The following VPS13D variants were observed in gnomAD, a reference collection of about 807,000 sequenced individuals.
VPS13D encodes the protein intermembrane lipid transfer protein VPS13D.
A neutral mutation model predicts 461.9 loss-of-function variants in VPS13D; 187 were observed. That is an observed-to-expected ratio of 0.40 (90% CI 0.36 to 0.46). The LOEUF is 0.46. Ranked by LOEUF, VPS13D falls within the 20% of genes least tolerant of loss-of-function variation. The pLI is 0.60. For missense variants in VPS13D, 4,711 were observed against 5,364.9 expected, an observed-to-expected ratio of 0.88 and a Z score of 3.81; for synonymous variants, 1,951 against 1,986.3, an observed-to-expected ratio of 0.98 and a Z score of 0.47.
Position 12,314,268 on chromosome 1 carries a change from T to G in VPS13D, c.7089T>G (p.Phe2363Leu). 1 of 1,614,214 alleles carries G rather than the reference T, an allele frequency of 6.2e-7. No homozygotes were observed. Among genetic ancestry groups the G allele is most frequent in the South Asian group, 1.1e-5 (1 of 91,088 alleles). Reference protein sequence around the residue: ...PGMTNVFSCIFQPAKNSSTTQ... With the variant: ...PGMTNVFSCILQPAKNSSTTQ... The stretch of plus-strand genomic sequence containing the variant: ...TGACGAATGTGTTCAGCTGTATCTT[T>G]CAGCCCGCTAAGAACAGCAGCACCA... Residue 2363 changes from phenylalanine (F) to leucine (L), a missense_variant, in exon 30 of 70, where the codon TTT (phenylalanine) becomes TTG (leucine). Physicochemically the swap from Phe to Leu is conservative, Grantham distance 22. Coordinates refer to ENST00000620676, the MANE Select transcript of VPS13D (RefSeq NM_015378.4).
Position 12,495,279 on chromosome 1 carries a change from A to G in VPS13D, c.12663-2221A>G, listed in dbSNP as rs2100535236. Among the ~76,000 whole-genome samples the G allele has an allele frequency of 6.6e-6, 1 of 151,044 alleles. No homozygotes were observed. Among genetic ancestry groups the G allele is most frequent in the South Asian group, 2.1e-4 (1 of 4,796 alleles). ...ATTCTCCTGCCTCAGCCTCCTGAAT[A>G]GCTGGGACTACAGGCGCCCGCCACT... On this transcript the variant is annotated intron_variant, in intron 67 of 69. Coordinates refer to ENST00000620676, the MANE Select transcript of VPS13D (RefSeq NM_015378.4). This position sits in a 1 kb window ranked among gnomAD's most constrained non-coding sequence, Gnocchi z 4.0.
In VPS13D at chr1:12,323,871, G is replaced by T. The variant is rs924516111; in HGVS notation, c.7990+91G>T. Reference sequence around the variant, plus strand: ...TCTTACTTCCACAAGGTGACTTAGAGAGCTGAGTGTGTTTGGAGGACGCTT... The same window carrying T: ...TCTTACTTCCACAAGGTGACTTAGATAGCTGAGTGTGTTTGGAGGACGCTT... On this transcript the variant is annotated intron_variant, in intron 35 of 69. Transcript: ENST00000620676. 16 of 1,353,296 alleles carry T rather than the reference G, an allele frequency of 1.2e-5. No homozygotes were observed. In the East Asian group the frequency reaches 3.7e-4, roughly 31 times the overall value. The allele number at this position is 1,353,296 out of a possible 1,614,324, so 83.8% of individuals were successfully genotyped here.
chr1:12,276,106 G>A lies in VPS13D; in HGVS notation c.2518G>A (p.Asp840Asn), dbSNP rs1364525835. 1.2e-6 allele frequency: 2 copies of A among 1,614,006 alleles called. No individual in the cohort carries two copies. The highest frequency in any genetic ancestry group is 1.7e-6 in the Non-Finnish European group (2 of 1,180,028). The change falls in exon 19 of 70, where the codon GAT (aspartate) becomes AAT (asparagine). Residue 840 changes from aspartate to asparagine, a missense_variant. Transcript: ENST00000620676. This position sits in a 1 kb window ranked among gnomAD's most constrained non-coding sequence, Gnocchi z 4.5. ...RVKDNWKHVQ[D>N]IDVGPTHVVE... ...GAAAGACAATTGGAAGCATGTCCAG[G>A]ATATTGACGTGGGACCAACACATGT...
At position 12,473,166 on chromosome 1, in the gene VPS13D, T is replaced by C. The variant is rs1417558380; in HGVS notation, c.12662+12770T>C. On this transcript the variant is annotated intron_variant, in intron 67 of 69. Coordinates refer to ENST00000620676, the MANE Select transcript of VPS13D (RefSeq NM_015378.4). This position sits in a 1 kb window ranked among gnomAD's most constrained non-coding sequence, Gnocchi z 4.2. ...ACTGTACTTAGATCCTGGGTGCTGA[T>C]GGGTGTTTTGTAGTTTCCAAGGGAA... Among the ~76,000 whole-genome samples, 1 of 152,162 alleles carries C rather than the reference T, an allele frequency of 6.6e-6. No homozygotes were observed. The highest frequency in any genetic ancestry group is 6.5e-5 in the Admixed American group (1 of 15,278).
rs373171933 is a variant in VPS13D, at chr1:12,319,130, C to T, written c.7415-367C>T. 2.7e-4 allele frequency among the ~76,000 whole-genome samples: 41 copies of T among 152,302 alleles called. 3 individuals carry two copies. Among genetic ancestry groups the T allele is most frequent in the Admixed American group, 2.1e-3 (32 of 15,298 alleles). On this transcript the variant is annotated intron_variant, in intron 31 of 69. Transcript: ENST00000620676. ...ACCAGCATTAGTAGCTGAGTCTTCT[C>T]CCTGGAATTTTCAGTCAGGTCATCA... is the stretch of plus-strand genomic sequence containing the variant.
Position 12,345,442 on chromosome 1 carries a change from T to C in VPS13D, c.8954T>C (p.Val2985Ala). The C allele has an allele frequency of 6.2e-7, 1 of 1,614,062 alleles. No homozygotes were observed. Among genetic ancestry groups the C allele is most frequent in the Non-Finnish European group, 8.5e-7 (1 of 1,179,902 alleles). ...AATGGCTGGGAGCAAGTGAGCCCAG[T>C]GTCTGTGGACAAAGTCGGGACCTTT... ...RVNGWEQVSP[V>A]SVDKVGTFFR... Residue 2985 changes from valine to alanine, a missense_variant, in exon 43 of 70, where the codon GTG (valine) becomes GCG (alanine). Transcript: ENST00000620676.
rs1261952358 is a variant in VPS13D, at chr1:12,293,599, T to C, written c.5928T>C (p.Tyr1976=). 1.9e-6 allele frequency: 3 copies of C among 1,614,194 alleles called. No homozygotes were observed. The highest frequency in any genetic ancestry group is 2.5e-6 in the Non-Finnish European group (3 of 1,180,022). ...GCCTCCGGATGGCCTCTGTGCAGTA[T>C]GTGCATACTCAGCGTTTCCAGGCAG... ...RVSLRMASVQ[Y]VHTQRFQAEV... Residue 1976 remains tyrosine, a synonymous_variant, in exon 24 of 70, where the codon TAT becomes TAC. Coordinates refer to ENST00000620676, the MANE Select transcript of VPS13D (RefSeq NM_015378.4).
In VPS13D at chr1:12,323,716, G is replaced by C. The variant is rs1293798395; in HGVS notation, c.7926G>C (p.Leu2642=). Residue 2642 remains leucine, a synonymous_variant, in exon 35 of 70, where the codon CTG becomes CTC. Coordinates refer to ENST00000620676, the MANE Select transcript of VPS13D (RefSeq NM_015378.4). ...HTLDPVLELQ[L]ARLQELGFSM... ...CTATTTGTTTCCTAGAGTTACAGCT[G>C]GCTAGGCTGCAGGAGCTGGGATTCA... 6.2e-7 allele frequency: 1 copy of C among 1,613,684 alleles called. No individual in the cohort carries two copies. The highest frequency in any genetic ancestry group is 8.5e-7 in the Non-Finnish European group (1 of 1,179,848).
chr1:12,268,982 A>G, intron 16 of VPS13D, 106 bp downstream of exon 16: 1 of 1,324,382 alleles, frequency 7.6e-7, no homozygotes. Flanking sequence ...ATAGTGACAA[A>G]AAAGGCCTGC....
chr1:12,368,345 G>A, intron 52 of VPS13D, 123 bp from the exon 53 acceptor site: 1 of 1,165,846 alleles, frequency 8.6e-7, no homozygotes, highest in Non-Finnish European at 1.2e-6. Context: ...ACAGTGGGCT[G>A]TAAGTTCAGT....
At chr1:12,377,090 G>T (rs1053359347) in intron 55 of VPS13D, among the ~76,000 whole-genome samples, 10 of 147,464 alleles carry the variant, frequency 6.8e-5, no homozygotes, top group African/African-American at 7.5e-5. Context: ...ACGGAGTTTC[G>T]CTCTTGTTCC....
intron 68 of VPS13D, among the ~76,000 whole-genome samples, chr1:12,506,493 T>TC (rs1365421255): frequency 6.6e-6 from 1 of 152,102 alleles, no homozygotes; most frequent in Non-Finnish European, 1.5e-5. Context: ...ATTCTGCTTT[T>TC]CCCCCCTCAG....
At chr1:12,421,565 G>T (rs1232916041) in intron 65 of VPS13D, among the ~76,000 whole-genome samples, 1 of 152,014 alleles carries the variant, frequency 6.6e-6, no homozygotes, top group Non-Finnish European at 1.5e-5. Context: ...CTTCATTCTT[G>T]TGTGATATTT....
chr1:12,317,091 C>G lies in VPS13D; in HGVS notation c.7149-981C>G, dbSNP rs1642908685. On this transcript the variant is annotated intron_variant, in intron 30 of 69. Transcript: ENST00000620676. ...ACTTGTTCTCCTCGGGCCAAAAGAT[C>G]TGGGCTGTCAGGTCAGTTTCAATTA... Among the ~76,000 whole-genome samples the G allele has an allele frequency of 4.9e-5, 7 of 142,708 alleles. No individual in the cohort carries two copies. The South Asian group carries it at 1.7e-3, about 34-fold the overall frequency. 93.6% of individuals were successfully genotyped at this position (142,708 alleles called of 152,430 possible).
chr1:12,283,130 A>G lies in VPS13D; in HGVS notation c.5028A>G (p.Leu1676=), dbSNP rs982783615. Residue 1676 remains leucine (L), a synonymous_variant, in exon 21 of 70, where the codon TTA becomes TTG. Transcript: ENST00000620676. ...IALHSLLMED[L]LEKNPDSKYK... ...TGCATTCTCTGCTGATGGAGGACTT[A>G]TTGGAGAAGAATCCAGATTCTAAAT... 1 of 1,614,038 alleles carries G rather than the reference A, an allele frequency of 6.2e-7. No individual in the cohort carries two copies. Among genetic ancestry groups the G allele is most frequent in the Non-Finnish European group, 8.5e-7 (1 of 1,180,022 alleles).
chr1:12,501,595 C>A (rs747838191), intron 68 of VPS13D, among the ~76,000 whole-genome samples: 12 of 152,228 alleles, frequency 7.9e-5, no homozygotes, highest in Non-Finnish European at 1.3e-4. Context: ...TTGCCTTACC[C>A]TAATGCCAGT....
chr1:12,327,294 G>A (rs182581965), intron 35 of VPS13D, among the ~76,000 whole-genome samples: 7 of 152,300 alleles, frequency 4.6e-5, no homozygotes, highest in African/African-American at 9.6e-5. Context: ...GCCGTGTCTG[G>A]ATCCTCTCCT....
At chr1:12,266,849 A>T in intron 13 of VPS13D, 32 bp from the exon 14 acceptor site, 1 of 1,508,062 alleles carries the variant, frequency 6.6e-7, no homozygotes. Context: ...TCTCATAAGC[A>T]TTGTATCAAC....
chr1:12,243,636 A>G (rs1640451812), intron 3 of VPS13D, among the ~76,000 whole-genome samples: 1 of 152,162 alleles, frequency 6.6e-6, no homozygotes. Flanking sequence ...ATTGAACATA[A>G]AGAAAGCTTG....
Sources: gnomAD v4.1 joint callset for allele counts (sites outside exome capture counted in the v4.1 genomes callset) on GRCh38, gnomAD v4.1.1 for gene constraint, Gnocchi (gnomAD v3.1) non-coding constraint, MANE v1.5 for transcripts, NCBI Gene and HGNC (gene_info 2026-07-23, HGNC 2026-07-21) for gene names.